TMEM266: variants seen among roughly 807,000 people sequenced by gnomAD.
The protein encoded by TMEM266 is transmembrane protein 266.
In TMEM266, 33 loss-of-function variants were observed where a neutral mutation model predicts 50.5. The ratio of observed to expected loss-of-function variants is 0.65; its 90% confidence interval spans 0.50 to 0.87. The LOEUF (loss-of-function observed/expected upper bound fraction) is 0.87. TMEM266 is among the 40% of genes least tolerant of loss of function. The pLI is 0.00. For missense variants in TMEM266, 655 were observed against 695.1 expected, an observed-to-expected ratio of 0.94 and a Z score of 0.65; for synonymous variants, 310 against 292.3, an observed-to-expected ratio of 1.06 and a Z score of -0.62.
rs1388619864 is a variant in TMEM266, at chr15:76,201,743, G to T, written c.959-459G>T. 2.6e-5 allele frequency among the ~76,000 whole-genome samples: 4 copies of T among 152,196 alleles called. No homozygotes were observed. The East Asian group carries it at 7.7e-4, about 29-fold the overall frequency. ...AGCCCACAGGTGGATCGAGCCACGGGGGGCTATCTGGATGGCACCTCAGCC... is the reference window on the plus strand; with the variant it reads ...AGCCCACAGGTGGATCGAGCCACGGTGGGCTATCTGGATGGCACCTCAGCC... On this transcript the variant is annotated intron_variant, in intron 9 of 10. Coordinates refer to ENST00000388942, the MANE Select transcript of TMEM266 (RefSeq NM_152335.3).
rs142987450 is a variant in TMEM266 at position 76,163,923 on chromosome 15, G to A, written c.456+3755G>A. ...ATTCTCTTCACATAACCCTTTTACA[G>A]TGGACAATTCCGTGGCATTTAGTAC... On this transcript the variant is annotated intron_variant, in intron 5 of 10. Transcript: ENST00000388942. Among the ~76,000 whole-genome samples the A allele has an allele frequency of 2.5e-3, 376 of 152,286 alleles. 2 individuals are homozygous for A. The highest frequency in any genetic ancestry group is 8.3e-3 in the African/African-American group (343 of 41,556).
intron 6 of TMEM266, 143 bp downstream of exon 6, chr15:76,170,015 G>T: frequency 1.3e-6 from 1 of 757,018 alleles, no homozygotes; most frequent in Non-Finnish European, 2.2e-6. Flanking sequence ...TGCATGTTGG[G>T]TGGGGCAGGG....
chr15:76,109,736 A>T (rs1191928121), intron 1 of TMEM266, among the ~76,000 whole-genome samples: 1 of 136,258 alleles, frequency 7.3e-6, no homozygotes. Context: ...TTGAGACAGG[A>T]TCTTGCTCTG....
chr15:76,200,986 T>G (rs2038736757), intron 9 of TMEM266, among the ~76,000 whole-genome samples: 1 of 152,156 alleles, frequency 6.6e-6, no homozygotes, highest in Non-Finnish European at 1.5e-5. Context: ...CAGGTGTGCC[T>G]GGGAGGGGCC....
At chr15:76,122,878 A>G (rs1596118535) in intron 1 of TMEM266, among the ~76,000 whole-genome samples, 1 of 152,322 alleles carries the variant, frequency 6.6e-6, no homozygotes, top group South Asian at 2.1e-4. Flanking sequence ...GGGAAGCTCT[A>G]AAGTGGAAAA....
At chr15:76,164,823 G>A (rs1171644986) in intron 5 of TMEM266, among the ~76,000 whole-genome samples, 1 of 152,146 alleles carries the variant, frequency 6.6e-6, no homozygotes, top group Admixed American at 6.5e-5. Context: ...GGCTAGACAC[G>A]GCTGCTCCCT....
Position 76,153,158 on chromosome 15 carries a change from G to A in TMEM266, c.228-3446G>A, listed in dbSNP as rs1308418395. On this transcript the variant is annotated intron_variant, in intron 3 of 10. Transcript: ENST00000388942. This position sits in a 1 kb window ranked among gnomAD's most constrained non-coding sequence, Gnocchi z 4.2. ...ACAAAAAAAAAAAGAAGAAAAAAAC[G>A]ACATTTTAAACAGCAATATAAATTG... Among the ~76,000 whole-genome samples the A allele has an allele frequency of 2.6e-5, 4 of 151,696 alleles. No individual in the cohort carries two copies. Among genetic ancestry groups the A allele is most frequent in the African/African-American group, 2.4e-5 (1 of 41,272 alleles).
chr15:76,156,415 G>C (rs1204070593), intron 3 of TMEM266, among the ~76,000 whole-genome samples, 189 bp from the exon 4 acceptor site: 1 of 152,150 alleles, frequency 6.6e-6, no homozygotes, highest in Non-Finnish European at 1.5e-5. Context: ...TTCTTAATGA[G>C]ATATTTTCAC....
chr15:76,087,335 T>A (rs1389409185), intron 1 of TMEM266, among the ~76,000 whole-genome samples: 1 of 152,058 alleles, frequency 6.6e-6, no homozygotes, highest in Non-Finnish European at 1.5e-5. Flanking sequence ...TAGATTGAGA[T>A]GATAGAATTG....
intron 1 of TMEM266, among the ~76,000 whole-genome samples, chr15:76,118,416 G>T (rs2037285610): frequency 6.6e-6 from 1 of 152,160 alleles, no homozygotes; most frequent in Non-Finnish European, 1.5e-5. Context: ...ACAAAAATTA[G>T]CTGGGCCTGG....
In TMEM266 at chr15:76,161,462, GCT is replaced by G. The variant is rs374927714; in HGVS notation, c.456+1312_456+1313del. Among the ~76,000 whole-genome samples the G allele has an allele frequency of 9.8e-4, 147 of 150,224 alleles. No homozygotes were observed. Among genetic ancestry groups the G allele is most frequent in the African/African-American group, 3.0e-3 (124 of 40,912 alleles). On this transcript the variant is annotated intron_variant, in intron 5 of 10. Transcript: ENST00000388942. This position sits in a 1 kb window ranked among gnomAD's most constrained non-coding sequence, Gnocchi z 4.1. ...CCCCTCTGGCCTAGCTAATGGCTCT[GCT>G]CTCTCTCTCTCTCTCTCCCTAAAAA...
chr15:76,061,209 C>T (rs921515746), intron 1 of TMEM266, among the ~76,000 whole-genome samples: 2 of 152,172 alleles, frequency 1.3e-5, no homozygotes, highest in African/African-American at 4.8e-5. Flanking sequence ...GATAGCTGAA[C>T]CGTAATTGCT....
At chr15:76,091,516 C>T (rs2036847970) in intron 1 of TMEM266, among the ~76,000 whole-genome samples, 1 of 151,664 alleles carries the variant, frequency 6.6e-6, no homozygotes, top group South Asian at 2.1e-4. Context: ...CACCACTGCT[C>T]TCCAGCCTGG....
rs538362666 is a variant in TMEM266, at chr15:76,153,210, A to G, written c.228-3394A>G. On this transcript the variant is annotated intron_variant, in intron 3 of 10. Transcript: ENST00000388942. The surrounding 1 kb of genome is among the most constrained non-coding windows in gnomAD (Gnocchi z 4.2). ...CTTTTCCTCCCTTGGAGGCAGGTCA[A>G]GGTCTGAGTCTCCTGTTGATAGGGA... 2.6e-4 allele frequency among the ~76,000 whole-genome samples: 40 copies of G among 152,316 alleles called. No individual in the cohort carries two copies. The East Asian group carries it at 7.3e-3, about 28-fold the overall frequency.
Position 76,192,175 on chromosome 15 carries a change from C to T in TMEM266, c.958+18C>T. On this transcript the variant is annotated intron_variant, in intron 9 of 10. Coordinates refer to ENST00000388942, the MANE Select transcript of TMEM266 (RefSeq NM_152335.3). ...CTCGCAAGGTAAGCCCGGGTCTCCA[C>T]CCGGCCCCAGAGTGTCACGGCCGGG... The T allele has an allele frequency of 3.6e-6, 5 of 1,393,446 alleles. No individual in the cohort carries two copies. The highest frequency in any genetic ancestry group is 3.2e-5 in the South Asian group (2 of 62,576). 86.3% of individuals were successfully genotyped at this position (1,393,446 alleles called of 1,614,324 possible).
intron 3 of TMEM266, among the ~76,000 whole-genome samples, chr15:76,138,696 C>T (rs1034083920): frequency 6.6e-6 from 1 of 152,240 alleles, no homozygotes; most frequent in African/African-American, 2.4e-5. Flanking sequence ...CATTAGGGCT[C>T]TCCCTTTCCA....
intron 8 of TMEM266, among the ~76,000 whole-genome samples, chr15:76,183,683 T>C (rs1465701363): frequency 6.6e-6 from 1 of 152,196 alleles, no homozygotes; most frequent in Non-Finnish European, 1.5e-5. Flanking sequence ...CAACATTCCC[T>C]ACCCTTTCCC....
At chr15:76,126,912 G>T (rs960794496) in intron 1 of TMEM266, among the ~76,000 whole-genome samples, 2 of 152,050 alleles carry the variant, frequency 1.3e-5, no homozygotes, top group East Asian at 3.8e-4. Flanking sequence ...GGTTGCGGGG[G>T]GCAGGTGGTG....
At chr15:76,137,960 G>A (rs2037617333) in intron 3 of TMEM266, 65 bp downstream of exon 3, 3 of 1,466,776 alleles carry the variant, frequency 2.0e-6, no homozygotes, top group Non-Finnish European at 2.7e-6. Flanking sequence ...GGTGGCTCAC[G>A]CCTGTAATCC....
Sources: gnomAD v4.1 joint callset for allele counts (sites outside exome capture counted in the v4.1 genomes callset) on GRCh38, gnomAD v4.1.1 for gene constraint, Gnocchi (gnomAD v3.1) non-coding constraint, MANE v1.5 for transcripts, NCBI Gene and HGNC (gene_info 2026-07-23, HGNC 2026-07-21) for gene names.